Variants in MAP3K13 observed in about 807,000 individuals in gnomAD.
MAP3K13 encodes leucine zipper-bearing kinase.
Under a neutral mutation model 104.0 loss-of-function variants are expected in MAP3K13, and 52 were observed. That is an observed-to-expected ratio of 0.50 (90% CI 0.40 to 0.63). The LOEUF (loss-of-function observed/expected upper bound fraction) is 0.63, where lower values mean the gene tolerates loss of function less well. MAP3K13 is among the 20% of genes least tolerant of loss of function. MAP3K13 has a pLI of 0.00. For synonymous variants in MAP3K13, 394 were observed against 442.2 expected (o/e 0.89, Z 1.37); for missense variants, 914 against 1,218.5 (o/e 0.75, Z 3.72).
intron 1 of MAP3K13, among the ~76,000 whole-genome samples, chr3:185,422,734 G>A (rs910551077): frequency 2.6e-5 from 4 of 152,232 alleles, no homozygotes; most frequent in South Asian, 2.1e-4. Flanking sequence ...TGCAATTCAT[G>A]TGAGCCAATA....
chr3:185,459,749 C>T (rs931873409), intron 7 of MAP3K13, among the ~76,000 whole-genome samples: 6 of 152,132 alleles, frequency 3.9e-5, no homozygotes, highest in Admixed American at 3.9e-4. Context: ...TCCACCCGGC[C>T]GATTTTAACC....
chr3:185,461,042 C>T (rs1339145914), intron 7 of MAP3K13, among the ~76,000 whole-genome samples: 2 of 152,200 alleles, frequency 1.3e-5, no homozygotes, highest in Admixed American at 6.5e-5. Context: ...TAACTACTTT[C>T]ACTTGTCATT....
At chr3:185,476,609 A>C (rs1718144970) in intron 11 of MAP3K13, 1 of 152,544 alleles carries the variant, frequency 6.6e-6, no homozygotes, top group African/African-American at 2.4e-5. Flanking sequence ...CACCTCAGTC[A>C]GGACACTTAC....
At chr3:185,305,475 GT>G (rs1456513267) in intron 2 of MAP3K13, among the ~76,000 whole-genome samples, 7 of 151,790 alleles carry the variant, frequency 4.6e-5, no homozygotes, top group East Asian at 3.9e-4. Flanking sequence ...CATAGTTATA[GT>G]TTTTTTATGC....
intron 1 of MAP3K13, among the ~76,000 whole-genome samples, chr3:185,396,452 G>C (rs1231976881): frequency 3.3e-5 from 5 of 152,286 alleles, no homozygotes; most frequent in East Asian, 3.9e-4. Context: ...AGTTGGAAGT[G>C]ATAGAATAAT....
At chr3:185,336,698 T>G (rs918560394) in intron 2 of MAP3K13, among the ~76,000 whole-genome samples, 2 of 151,354 alleles carry the variant, frequency 1.3e-5, no homozygotes, top group Admixed American at 6.6e-5. Flanking sequence ...TAGGGCTTAC[T>G]AGATAGACTA....
intron 2 of MAP3K13, among the ~76,000 whole-genome samples, chr3:185,349,298 T>C (rs1400756378): frequency 1.3e-5 from 2 of 152,116 alleles, no homozygotes; most frequent in Non-Finnish European, 2.9e-5. Flanking sequence ...CCTCAATGTC[T>C]CTTATTTCCA....
chr3:185,293,716 T>G (rs1720824679), intron 2 of MAP3K13, among the ~76,000 whole-genome samples: 1 of 152,206 alleles, frequency 6.6e-6, no homozygotes, highest in Admixed American at 6.5e-5. Context: ...TGAGCCACTG[T>G]GCCCGCCCAT....
chr3:185,458,944 T>C (rs910019308), intron 7 of MAP3K13, among the ~76,000 whole-genome samples: 4 of 152,214 alleles, frequency 2.6e-5, no homozygotes, highest in African/African-American at 7.2e-5. Flanking sequence ...TTTCTCCAAA[T>C]AGGCAATTAC....
intron 1 of MAP3K13, among the ~76,000 whole-genome samples, chr3:185,370,401 G>A (rs999784440): frequency 6.6e-6 from 1 of 152,094 alleles, no homozygotes; most frequent in Non-Finnish European, 1.5e-5. Flanking sequence ...TCACCATGTT[G>A]GCCAGGCTGG....
intron 7 of MAP3K13, among the ~76,000 whole-genome samples, chr3:185,456,596 C>CTTTTT (rs35547697): frequency 1.3e-4 from 14 of 108,000 alleles, no homozygotes; most frequent in Non-Finnish European, 1.9e-4. Flanking sequence ...TTTGCTTCTC[C>CTTTTT]TTTTTTTTTT....
At position 185,487,894 on chromosome 3, in the gene MAP3K13, G is replaced by C. The variant is rs765712175; in HGVS notation, c.*5438G>C. ...TTGATTGGAATTGCCATTTGAGCTT[G>C]AGTTAGCCCCAATGGCAGAACGACA... is the stretch of plus-strand genomic sequence containing the variant. On this transcript the variant is annotated 3_prime_UTR_variant, in exon 14 of 14. Transcript: ENST00000265026. The C allele has an allele frequency of 6.6e-6, 1 of 152,178 alleles. No homozygotes were observed. Among genetic ancestry groups the C allele is most frequent in the Non-Finnish European group, 1.5e-5 (1 of 68,038 alleles). 9.4% of individuals were successfully genotyped at this position (152,178 alleles called of 1,614,324 possible). A position where few individuals can be genotyped will look rare whatever the true frequency, so the allele number is the denominator to read the frequency against.
chr3:185,284,885 A>G (rs1720453253), intron 1 of MAP3K13, among the ~76,000 whole-genome samples: 1 of 152,152 alleles, frequency 6.6e-6, no homozygotes, highest in African/African-American at 2.4e-5. Context: ...TCGTCAGGCT[A>G]TGTAATGAAA....
chr3:185,437,688 A>C, intron 3 of MAP3K13, 58 bp downstream of exon 3: 1 of 1,469,558 alleles, frequency 6.8e-7, no homozygotes, highest in Non-Finnish European at 9.2e-7. Flanking sequence ...CCCAATATAT[A>C]CACACAAGTT....
intron 2 of MAP3K13, among the ~76,000 whole-genome samples, chr3:185,341,572 G>A (rs1722724335): frequency 1.3e-5 from 2 of 152,182 alleles, no homozygotes; most frequent in African/African-American, 4.8e-5. Context: ...TCTGTGTTAA[G>A]CCTGTGGTAG....
At chr3:185,384,192 C>T (rs1264601266) in intron 1 of MAP3K13, among the ~76,000 whole-genome samples, 1 of 152,052 alleles carries the variant, frequency 6.6e-6, no homozygotes, top group East Asian at 1.9e-4. Flanking sequence ...AATGAGAAAA[C>T]CTGGTATTTG....
At chr3:185,395,309 CT>C (rs1712315712) in intron 1 of MAP3K13, among the ~76,000 whole-genome samples, 1 of 149,152 alleles carries the variant, frequency 6.7e-6, no homozygotes, top group African/African-American at 2.5e-5. Flanking sequence ...GTTTGGTCCC[CT>C]TTATTATTTC....
At chr3:185,295,795 T>G (rs1478150477) in intron 2 of MAP3K13, among the ~76,000 whole-genome samples, 1 of 152,214 alleles carries the variant, frequency 6.6e-6, no homozygotes. Context: ...CTGGTGCATG[T>G]TTTATTACAC....
Position 185,430,794 on chromosome 3 carries a change from A to T in MAP3K13, c.475+1738A>T, listed in dbSNP as rs145508424. 4.5e-3 allele frequency among the ~76,000 whole-genome samples: 692 copies of T among 152,306 alleles called. 7 individuals carry two copies. Among genetic ancestry groups the T allele is most frequent in the African/African-American group, 0.015 (640 of 41,566 alleles). On this transcript the variant is annotated intron_variant, in intron 2 of 13. Transcript: ENST00000265026. ...ACCATTAATGTTTTCATTATATATT[A>T]GGTTAGTCTATTTGTGTATGTGTGT... is the stretch of plus-strand genomic sequence containing the variant.
Sources: gnomAD v4.1 joint callset for allele counts (sites outside exome capture counted in the v4.1 genomes callset) on GRCh38, gnomAD v4.1.1 for gene constraint, MANE v1.5 for transcripts, NCBI Gene and HGNC (gene_info 2026-07-23, HGNC 2026-07-21) for gene names.